LRRC4C: variants seen among roughly 807,000 people sequenced by gnomAD.
LRRC4C encodes leucine-rich repeat-containing protein 4C.
A neutral mutation model predicts 33.6 loss-of-function variants in LRRC4C; 5 were observed. The ratio of observed to expected loss-of-function variants is 0.15; its 90% CI spans 0.08 to 0.31. The LOEUF (loss-of-function observed/expected upper bound fraction) is 0.31, where lower values mean the gene tolerates loss of function less well. Ranked by LOEUF, LRRC4C falls within the 10% of genes least tolerant of loss-of-function variation. LRRC4C has a pLI of 1.00. For synonymous variants in LRRC4C, 329 were observed against 302.0 expected, an observed-to-expected ratio of 1.09 and a Z score of -0.93; for missense variants, 560 against 796.7, an observed-to-expected ratio of 0.70 and a Z score of 3.58.
intron 1 of LRRC4C, among the ~76,000 whole-genome samples, chr11:41,106,754 G>A (rs1026619462): frequency 3.3e-5 from 5 of 151,964 alleles, no homozygotes; most frequent in Non-Finnish European, 5.9e-5. Context: ...AATGGTTGGC[G>A]GGGTACAGCA....
rs118130187 is a variant in LRRC4C at position 40,212,071 on chromosome 11, T to C, written c.-96+29448A>G. Among the ~76,000 whole-genome samples, 18 of 152,332 alleles carry C rather than the reference T, an allele frequency of 1.2e-4. 1 individual carries two copies. In the East Asian group the frequency reaches 3.5e-3, roughly 29 times the overall value. ...TTTATATACATTGAAGTAAAGTTCA[T>C]ATGTCACGTGAATATCTTAAATTAT... On this transcript the variant is annotated intron_variant, in intron 5 of 6. Coordinates refer to ENST00000528697, the MANE Select transcript of LRRC4C (RefSeq NM_001258419.2).
In LRRC4C at chr11:40,815,533, C is replaced by T. The variant is rs116228686; in HGVS notation, c.-407+118102G>A. Among the ~76,000 whole-genome samples the T allele has an allele frequency of 1.2e-3, 176 of 152,314 alleles. 2 individuals are homozygous for T. The highest frequency in any genetic ancestry group is 4.1e-3 in the African/African-American group (170 of 41,566). On this transcript the variant is annotated intron_variant, in intron 2 of 6. Coordinates refer to ENST00000528697, the MANE Select transcript of LRRC4C (RefSeq NM_001258419.2). The stretch of plus-strand genomic sequence containing the variant: ...CCTTGCAGGTCTTGGATGATTTTCT[C>T]AAGAGCCCTGATTGCTCTCCATGGG...
At chr11:41,370,465 C>G (rs1448108472) in intron 1 of LRRC4C, among the ~76,000 whole-genome samples, 1 of 152,136 alleles carries the variant, frequency 6.6e-6, no homozygotes, top group South Asian at 2.1e-4. Context: ...GCGGCTCCCC[C>G]CATACTGCTC....
intron 1 of LRRC4C, among the ~76,000 whole-genome samples, chr11:41,079,555 G>A (rs1020684816): frequency 9.2e-5 from 14 of 152,190 alleles, no homozygotes; most frequent in Admixed American, 7.2e-4. Context: ...CAATATCTGG[G>A]TTCGTAAGTT....
At chr11:41,083,213 A>G (rs1565367309) in intron 1 of LRRC4C, among the ~76,000 whole-genome samples, 1 of 152,134 alleles carries the variant, frequency 6.6e-6, no homozygotes, top group Non-Finnish European at 1.5e-5. Context: ...CCCACAAAGT[A>G]TTATTTATCT....
At chr11:40,216,017 A>G (rs1305609590) in intron 5 of LRRC4C, among the ~76,000 whole-genome samples, 1 of 152,080 alleles carries the variant, frequency 6.6e-6, no homozygotes, top group Admixed American at 6.5e-5. Flanking sequence ...ATTAATCTGT[A>G]TTTTTTGTGA....
chr11:41,415,623 T>G (rs1954648202), intron 1 of LRRC4C, among the ~76,000 whole-genome samples: 1 of 152,134 alleles, frequency 6.6e-6, no homozygotes, highest in Non-Finnish European at 1.5e-5. Context: ...GGTAAAAGCC[T>G]CGAGTCTGTA....
At chr11:41,228,311 T>C (rs1947634207) in intron 1 of LRRC4C, among the ~76,000 whole-genome samples, 1 of 152,072 alleles carries the variant, frequency 6.6e-6, no homozygotes, top group Non-Finnish European at 1.5e-5. Context: ...AATCTATAGA[T>C]TCTAATTCTC....
At chr11:41,043,066 ACCTTTTTT>A (rs1565329059) in intron 1 of LRRC4C, among the ~76,000 whole-genome samples, 4 of 118,448 alleles carry the variant, frequency 3.4e-5, no homozygotes, top group Admixed American at 1.0e-4. Context: ...TACAGAATAG[ACCTTTTTT>A]TTTTTTTTTT....
At chr11:41,089,279 C>A (rs1307255173) in intron 1 of LRRC4C, among the ~76,000 whole-genome samples, 1 of 151,866 alleles carries the variant, frequency 6.6e-6, no homozygotes. Flanking sequence ...ACAAGTAATT[C>A]TTCCCAGTGG....
intron 5 of LRRC4C, among the ~76,000 whole-genome samples, chr11:40,174,260 A>G (rs1248491437): frequency 6.6e-6 from 1 of 152,150 alleles, no homozygotes; most frequent in East Asian, 1.9e-4. Flanking sequence ...ACACATCTCA[A>G]ATCAATTATT....
chr11:41,273,476 A>G (rs1949383435), intron 1 of LRRC4C, among the ~76,000 whole-genome samples: 1 of 152,220 alleles, frequency 6.6e-6, no homozygotes, highest in African/African-American at 2.4e-5. Context: ...GTTATGCTAA[A>G]TGAAATAAGC....
chr11:40,822,352 T>A (rs865882960), intron 2 of LRRC4C, among the ~76,000 whole-genome samples: 1 of 151,498 alleles, frequency 6.6e-6, no homozygotes, highest in Non-Finnish European at 1.5e-5. Flanking sequence ...TTTTTTTTTT[T>A]ATCGCTGAAT....
intron 1 of LRRC4C, among the ~76,000 whole-genome samples, chr11:41,049,640 G>A (rs1439452385): frequency 1.3e-5 from 2 of 152,150 alleles, no homozygotes; most frequent in African/African-American, 4.8e-5. Context: ...TTAAGACAAA[G>A]AGAAGCGTAC....
chr11:40,252,181 T>C (rs1408185627), intron 4 of LRRC4C, among the ~76,000 whole-genome samples: 3 of 151,730 alleles, frequency 2.0e-5, no homozygotes, highest in Non-Finnish European at 4.4e-5. Flanking sequence ...TACACACACA[T>C]ATATACACAC....
intron 2 of LRRC4C, among the ~76,000 whole-genome samples, chr11:40,707,678 T>G (rs1187562951): frequency 6.6e-6 from 1 of 151,076 alleles, no homozygotes; most frequent in African/African-American, 2.4e-5. Flanking sequence ...TCTCTTTTTT[T>G]GTTGTGTCTC....
intron 2 of LRRC4C, among the ~76,000 whole-genome samples, chr11:40,748,499 G>T (rs1948536181): frequency 6.6e-6 from 1 of 151,762 alleles, no homozygotes; most frequent in Non-Finnish European, 1.5e-5. Context: ...ACACAAATGA[G>T]GAAGAGAAAG....
chr11:40,913,679 G>A (rs1430614437), intron 2 of LRRC4C, among the ~76,000 whole-genome samples: 2 of 151,968 alleles, frequency 1.3e-5, no homozygotes, highest in Admixed American at 1.3e-4. Context: ...CTAGCAAAAG[G>A]CAAGAAATAA....
chr11:40,855,967 A>C (rs2135787243), intron 2 of LRRC4C, among the ~76,000 whole-genome samples: 1 of 151,598 alleles, frequency 6.6e-6, no homozygotes, highest in Admixed American at 6.6e-5. Context: ...TACTTCATAT[A>C]TTTTTTCCTT....
Sources: allele counts gnomAD v4.1 joint callset (sites outside exome capture counted in the v4.1 genomes callset), GRCh38; gene constraint gnomAD v4.1.1; transcripts MANE v1.5; gene names NCBI Gene and HGNC (gene_info 2026-07-23, HGNC 2026-07-21).